Variants in HPS5 observed in about 807,000 individuals in gnomAD.
HPS5 encodes the protein BLOC-2 complex member HPS5.
A neutral mutation model predicts 128.0 loss-of-function variants in HPS5; 83 were observed. The observed-to-expected ratio is 0.65, with a 90% CI of 0.54 to 0.78. The LOEUF (loss-of-function observed/expected upper bound fraction) is 0.78. HPS5 is among the 30% of genes least tolerant of loss of function. HPS5 has a pLI of 0.00. For synonymous variants in HPS5, 475 were observed against 470.2 expected (o/e 1.01, Z -0.13); for missense variants, 1,281 against 1,326.2 (o/e 0.97, Z 0.53).
chr11:18,316,976 C>A (rs1057307141), intron 2 of HPS5, among the ~76,000 whole-genome samples: 7 of 152,018 alleles, frequency 4.6e-5, no homozygotes, highest in Non-Finnish European at 1.0e-4. Context: ...GGGCAGATCA[C>A]GAGGTCAGGA....
chr11:18,286,959 A>C, intron 18 of HPS5: 3 of 610,500 alleles, frequency 4.9e-6, no homozygotes, highest in Non-Finnish European at 5.7e-6. Context: ...AGACAAATAA[A>C]AACCAGTGTG....
At position 18,301,050 on chromosome 11, in the gene HPS5, A is replaced by C; in HGVS notation, c.897-134T>G. 7.3e-6 allele frequency: 5 copies of C among 686,918 alleles called. No homozygotes were observed. The South Asian group carries it at 8.1e-5, about 11-fold the overall frequency. 42.6% of individuals were successfully genotyped at this position (686,918 alleles called of 1,614,324 possible). ...AAGAAAACACAAGAGTGATCCAGCT[A>C]ATCGAGTCCTAACAACTCCTTTCTG... is the stretch of plus-strand genomic sequence containing the variant. On this transcript the variant is annotated intron_variant, in intron 8 of 22. Coordinates refer to ENST00000349215, the MANE Select transcript of HPS5 (RefSeq NM_181507.2).
Position 18,306,182 on chromosome 11 carries a change from C to T in HPS5, c.777G>A (p.Gln259=), listed in dbSNP as rs865974889. Residue 259 remains glutamine (Q), a synonymous_variant, in exon 7 of 23, where the codon CAG becomes CAA. Transcript: ENST00000349215. ...NFDGEVISTH[Q]FKKLLSLPPL... ...GTGGCAACGAGAGGAGTTTCTTGAA[C>T]TGATGTGTACTTATAACTTCTCCAT... The T allele has an allele frequency of 6.2e-7, 1 of 1,614,080 alleles. No individual in the cohort carries two copies. The highest frequency in any genetic ancestry group is 1.7e-4 in the Middle Eastern group (1 of 6,058).
At chr11:18,294,061 C>T (rs1482758918) in intron 14 of HPS5, among the ~76,000 whole-genome samples, 4 of 152,118 alleles carry the variant, frequency 2.6e-5, no homozygotes, top group African/African-American at 9.7e-5. Flanking sequence ...ATTTGTTTGC[C>T]TTTAATACCC....
intron 18 of HPS5, 117 bp downstream of exon 18, chr11:18,287,418 T>TA: frequency 8.9e-7 from 1 of 1,121,628 alleles, no homozygotes. Flanking sequence ...TCCTCTTCCA[T>TA]AGTATGTGCC....
rs532616352 is a variant in HPS5 at position 18,295,235 on chromosome 11, A to G, written c.1635-66T>C. The G allele has an allele frequency of 8.9e-5, 135 of 1,518,920 alleles. 1 individual carries two copies. The highest frequency in any genetic ancestry group is 1.1e-4 in the Non-Finnish European group (128 of 1,118,074). The allele number at this position is 1,518,920 out of a possible 1,614,324, so 94.1% of individuals were successfully genotyped here. A position where few individuals can be genotyped will look rare whatever the true frequency, so the allele number is the denominator to read the frequency against. On this transcript the variant is annotated intron_variant, in intron 13 of 22. Transcript: ENST00000349215. The stretch of plus-strand genomic sequence containing the variant: ...TATTACTGAGAAAACTCAGGTTTTC[A>G]TTCTTCAGTTTTCTCCCTAATAAGT...
At chr11:18,308,388 T>G (rs1862600187) in intron 6 of HPS5, among the ~76,000 whole-genome samples, 1 of 152,202 alleles carries the variant, frequency 6.6e-6, no homozygotes, top group African/African-American at 2.4e-5. Context: ...TTTAGCCTTC[T>G]CTCATGGCAC....
intron 15 of HPS5, among the ~76,000 whole-genome samples, chr11:18,292,245 TG>T (rs1320425987): frequency 6.6e-6 from 1 of 151,478 alleles, no homozygotes; most frequent in East Asian, 1.9e-4. Flanking sequence ...GGTCTTGTTT[TG>T]TCACCCAGGC....
At chr11:18,288,042 A>G in intron 16 of HPS5, 29 bp from the exon 17 acceptor site, 1 of 1,611,910 alleles carries the variant, frequency 6.2e-7, no homozygotes, top group Non-Finnish European at 8.5e-7. Context: ...CCTTTTCCAA[A>G]CTTTATCTCT....
intron 2 of HPS5, among the ~76,000 whole-genome samples, chr11:18,313,937 C>T (rs374466648): frequency 4.8e-5 from 7 of 147,342 alleles, no homozygotes; most frequent in African/African-American, 1.5e-4. Context: ...AGGCCGGGTG[C>T]GGTGGCTCAT....
rs1417449322 is a variant in HPS5, at chr11:18,313,067, T to C, written c.109-1043A>G. ...GATGCTAGTATCTCCTTTAGGGCAG[T>C]AGCAAAAGTATAAAAATGAAATTAC... On this transcript the variant is annotated intron_variant, in intron 2 of 22. Coordinates refer to ENST00000349215, the MANE Select transcript of HPS5 (RefSeq NM_181507.2). Among the ~76,000 whole-genome samples, 3 of 152,226 alleles carry C rather than the reference T, an allele frequency of 2.0e-5. No homozygotes were observed. The East Asian group carries it at 5.8e-4, about 29-fold the overall frequency.
At chr11:18,292,261 G>A (rs1437065707) in intron 15 of HPS5, among the ~76,000 whole-genome samples, 2 of 148,212 alleles carry the variant, frequency 1.3e-5, no homozygotes, top group African/African-American at 2.5e-5. Context: ...CCAGGCTGGA[G>A]TGCAATGGCA....
At chr11:18,319,630 T>G (rs1864069567) in intron 1 of HPS5, among the ~76,000 whole-genome samples, 1 of 152,156 alleles carries the variant, frequency 6.6e-6, no homozygotes, top group African/African-American at 2.4e-5. Context: ...AACCTGAACT[T>G]AACTTGGCAG....
At position 18,308,953 on chromosome 11, in the gene HPS5, T is replaced by C. The variant is rs746238277; in HGVS notation, c.604A>G (p.Thr202Ala). 6.2e-7 allele frequency: 1 copy of C among 1,614,126 alleles called. No individual in the cohort carries two copies. Among genetic ancestry groups the C allele is most frequent in the African/African-American group, 1.3e-5 (1 of 75,072 alleles). Residue 202 changes from threonine to alanine, a missense_variant, in exon 6 of 23, where the codon ACT (threonine) becomes GCT (alanine). Transcript: ENST00000349215. ...SSLTRSFLCDTEREKFWKIGN... is the reference protein window; with the variant it reads ...SSLTRSFLCDAEREKFWKIGN... Reference sequence around the variant, plus strand: ...AATGGTTGGTCAATATACCTCTCAGTGTCACACAAGAAGGATCGAGTAAGT... The same window carrying C: ...AATGGTTGGTCAATATACCTCTCAGCGTCACACAAGAAGGATCGAGTAAGT...
chr11:18,292,995 T>C lies in HPS5; in HGVS notation c.1785-19A>G. On this transcript the variant is annotated intron_variant, in intron 14 of 22. Transcript: ENST00000349215. ...TTCCTCCCTAAAAAAGTGTGCAAAA[T>C]AACAATAACATTCACAAGAGTTAGA... is the stretch of plus-strand genomic sequence containing the variant. The C allele has an allele frequency of 6.3e-7, 1 of 1,593,232 alleles. No homozygotes were observed. The highest frequency in any genetic ancestry group is 8.6e-7 in the Non-Finnish European group (1 of 1,162,284).
intron 2 of HPS5, among the ~76,000 whole-genome samples, chr11:18,312,500 G>T (rs955883194): frequency 3.3e-5 from 5 of 152,196 alleles, no homozygotes; most frequent in Non-Finnish European, 5.9e-5. Context: ...TGGTCATGCC[G>T]TGCCCAATAC....
In HPS5 at chr11:18,291,898, T is replaced by C; in HGVS notation, c.1984A>G (p.Thr662Ala). ...TTCAATTTCATGGATGAGTTGTCAG[T>C]ATCTGAAACACCTGAAAAGTCCTTC... is the stretch of plus-strand genomic sequence containing the variant. ...AMKDFSGVSD[T>A]DNSSMKLNQD... The change falls in exon 16 of 23, where the codon ACT (threonine) becomes GCT (alanine). Residue 662 changes from threonine to alanine, a missense_variant. Transcript: ENST00000349215. The C allele has an allele frequency of 1.9e-6, 3 of 1,608,204 alleles. No homozygotes were observed. In the Admixed American group the frequency reaches 5.1e-5, roughly 27 times the overall value.
chr11:18,283,070 C>T (rs1407834307), intron 21 of HPS5, among the ~76,000 whole-genome samples: 1 of 152,138 alleles, frequency 6.6e-6, no homozygotes, highest in Non-Finnish European at 1.5e-5. Context: ...GGTGCGATCT[C>T]AGCTCACTGC....
In HPS5 at chr11:18,308,931, G is replaced by T; in HGVS notation, c.611+15C>A. 3 of 1,613,454 alleles carry T rather than the reference G, an allele frequency of 1.9e-6. No individual in the cohort carries two copies. The highest frequency in any genetic ancestry group is 2.5e-6 in the Non-Finnish European group (3 of 1,179,512). ...AAATTCTGCATTTCTGATGACTAAT[G>T]GTTGGTCAATATACCTCTCAGTGTC... is the stretch of plus-strand genomic sequence containing the variant. On this transcript the variant is annotated intron_variant, in intron 6 of 22. Transcript: ENST00000349215.
Sources: gnomAD v4.1 joint callset for allele counts (sites outside exome capture counted in the v4.1 genomes callset) on GRCh38, gnomAD v4.1.1 for gene constraint, MANE v1.5 for transcripts, NCBI Gene and HGNC (gene_info 2026-07-23, HGNC 2026-07-21) for gene names.